Variants in DENND5B observed in about 807,000 individuals in gnomAD.
DENND5B encodes the protein DENN domain containing 5B.
In DENND5B, 34 loss-of-function variants were observed where a neutral mutation model predicts 140.6. The observed-to-expected ratio is 0.24, with a 90% CI of 0.18 to 0.32. DENND5B has a LOEUF of 0.32. Ranked by LOEUF, DENND5B falls within the 10% of genes least tolerant of loss-of-function variation. The pLI is 1.00. For missense variants in DENND5B, 1,142 were observed against 1,560.2 expected (o/e 0.73, Z 4.52); for synonymous variants, 551 against 562.1 (o/e 0.98, Z 0.28).
intron 8 of DENND5B, among the ~76,000 whole-genome samples, chr12:31,430,291 G>A (rs1311383323): frequency 6.7e-6 from 1 of 150,296 alleles, no homozygotes; most frequent in East Asian, 2.0e-4. Flanking sequence ...CCAAAGTGCT[G>A]GGATTAAAGG....
chr12:31,384,397 T>C lies in DENND5B; in HGVS notation c.*3206A>G, dbSNP rs1407226528. 6.6e-6 allele frequency: 1 copy of C among 152,186 alleles called. No homozygotes were observed. The highest frequency in any genetic ancestry group is 1.5e-5 in the Non-Finnish European group (1 of 68,060). 9.4% of individuals were successfully genotyped at this position (152,186 alleles called of 1,614,324 possible). A position where few individuals can be genotyped will look rare whatever the true frequency, so the allele number is the denominator to read the frequency against. Reference sequence around the variant, plus strand: ...TAAGCATCCTTTTCATTGATCAAACTTGGATCCTAAGGACTATTTCCAAAT... The same window carrying C: ...TAAGCATCCTTTTCATTGATCAAACCTGGATCCTAAGGACTATTTCCAAAT... On this transcript the variant is annotated 3_prime_UTR_variant, in exon 21 of 21. Transcript: ENST00000389082.
intron 1 of DENND5B, among the ~76,000 whole-genome samples, chr12:31,514,112 CTG>C (rs1217650025): frequency 1.3e-5 from 2 of 152,146 alleles, no homozygotes; most frequent in African/African-American, 4.8e-5. Flanking sequence ...TCACAAAGTG[CTG>C]TGATTACAGG....
chr12:31,449,731 G>GTTT lies in DENND5B; in HGVS notation c.1630-1965_1630-1963dup, dbSNP rs771712867. Among the ~76,000 whole-genome samples the GTTT allele has an allele frequency of 5.6e-5, 5 of 89,954 alleles. 1 individual carries two copies. In the South Asian group the frequency reaches 1.2e-3, roughly 22 times the overall value. 59.0% of individuals were successfully genotyped at this position (89,954 alleles called of 152,430 possible). A position where few individuals can be genotyped will look rare whatever the true frequency, so the allele number is the denominator to read the frequency against. On this transcript the variant is annotated intron_variant, in intron 5 of 20. Transcript: ENST00000389082. ...ATAAACCATGGATATACACAGATTA[G>GTTT]TTTTTTTTTTTTTTTTTTGAGACAG...
intron 1 of DENND5B, among the ~76,000 whole-genome samples, chr12:31,533,250 AG>A (rs1948351175): frequency 1.3e-5 from 2 of 152,170 alleles, no homozygotes; most frequent in Non-Finnish European, 2.9e-5. Context: ...AAATATTTGA[AG>A]AAAAAAAAAC....
intron 17 of DENND5B, among the ~76,000 whole-genome samples, chr12:31,395,428 T>C (rs572001324): frequency 4.2e-4 from 64 of 152,274 alleles, no homozygotes; most frequent in African/African-American, 1.5e-3. Context: ...ACCCCGTCTC[T>C]ACCCAAAATA....
Position 31,402,643 on chromosome 12 carries a change from A to C in DENND5B, c.2804T>G (p.Met935Arg), listed in dbSNP as rs1941864121. 2 of 1,590,198 alleles carry C rather than the reference A, an allele frequency of 1.3e-6. No individual in the cohort carries two copies. Among genetic ancestry groups the C allele is most frequent in the South Asian group, 2.3e-5 (2 of 85,284 alleles). The change falls in exon 15 of 21, where the codon ATG (methionine) becomes AGG (arginine). Residue 935 changes from methionine (M) to arginine (R), a missense_variant and splice_region_variant. Physicochemically the swap from Met to Arg is moderately conservative, Grantham distance 91. This residue lies in a region of DENND5B where 268 missense variants were observed against 349.2 expected (regional missense o/e 0.77). Coordinates refer to ENST00000389082, the MANE Select transcript of DENND5B (RefSeq NM_144973.4). ...GATGATCACTGACCTATACGGAATC[A>C]CTGAAAGAAAAATGCAGAAATTAAT... ...FCFTSVFTTI[M>R]IPYRSVIIPI...
At chr12:31,411,188 G>T in intron 13 of DENND5B, among the ~76,000 whole-genome samples, 1 of 151,912 alleles carries the variant, frequency 6.6e-6, no homozygotes, top group Non-Finnish European at 1.5e-5. Flanking sequence ...ACAGGCATGT[G>T]CCACCACGCC....
At chr12:31,544,721 C>T (rs138390246) in intron 1 of DENND5B, among the ~76,000 whole-genome samples, 346 of 152,074 alleles carry the variant, frequency 2.3e-3, no homozygotes, top group African/African-American at 7.1e-3. Flanking sequence ...AGTGGAAAGG[C>T]AAGAATAAAC....
intron 1 of DENND5B, among the ~76,000 whole-genome samples, chr12:31,554,230 C>T (rs1339539599): frequency 6.6e-6 from 1 of 152,204 alleles, no homozygotes; most frequent in East Asian, 1.9e-4. Flanking sequence ...TTTAGTGCTT[C>T]CTTCAGGAGC....
At chr12:31,527,742 C>T (rs920954082) in intron 1 of DENND5B, among the ~76,000 whole-genome samples, 1 of 152,070 alleles carries the variant, frequency 6.6e-6, no homozygotes, top group Non-Finnish European at 1.5e-5. Flanking sequence ...CATGCCACTA[C>T]ACTCTAGCCT....
chr12:31,517,525 A>T (rs1415495358), intron 1 of DENND5B, among the ~76,000 whole-genome samples: 1 of 152,258 alleles, frequency 6.6e-6, no homozygotes, highest in East Asian at 1.9e-4. Flanking sequence ...AACTGATAAA[A>T]GAAACAATCT....
intron 3 of DENND5B, among the ~76,000 whole-genome samples, chr12:31,472,541 C>G (rs772154632): frequency 1.3e-5 from 2 of 152,126 alleles, no homozygotes; most frequent in African/African-American, 4.8e-5. Context: ...ATCTGCCCAC[C>G]TCGGCCTTCC....
chr12:31,419,685 C>T (rs996622735), intron 11 of DENND5B, among the ~76,000 whole-genome samples: 1 of 152,000 alleles, frequency 6.6e-6, no homozygotes, highest in Admixed American at 6.6e-5. Context: ...TTAAAAGCAG[C>T]ATTTCTGGCC....
chr12:31,482,733 C>T (rs1240848107), intron 2 of DENND5B, among the ~76,000 whole-genome samples: 4 of 152,082 alleles, frequency 2.6e-5, no homozygotes, highest in Non-Finnish European at 5.9e-5. Flanking sequence ...TTGATCTTTA[C>T]GCTTACCACT....
intron 1 of DENND5B, among the ~76,000 whole-genome samples, chr12:31,516,760 A>T (rs532634679): frequency 6.6e-6 from 1 of 152,050 alleles, no homozygotes; most frequent in South Asian, 2.1e-4. Context: ...AATGCAATTT[A>T]TTTTCCTGTC....
At chr12:31,412,974 G>A (rs531244008) in intron 13 of DENND5B, among the ~76,000 whole-genome samples, 110 of 151,962 alleles carry the variant, frequency 7.2e-4, no homozygotes, top group Non-Finnish European at 1.3e-3. Context: ...AGACTGGAGC[G>A]CAGTGACATG....
At chr12:31,578,840 C>G (rs1565714699) in intron 1 of DENND5B, among the ~76,000 whole-genome samples, 1 of 152,156 alleles carries the variant, frequency 6.6e-6, no homozygotes, top group African/African-American at 2.4e-5. Context: ...CAAGCTATGG[C>G]CTTTCCTGTC....
intron 1 of DENND5B, among the ~76,000 whole-genome samples, chr12:31,509,931 C>T (rs1947345386): frequency 6.6e-6 from 1 of 152,130 alleles, no homozygotes. Flanking sequence ...CAAATTCAGT[C>T]CCTGCCAACT....
chr12:31,450,311 A>G (rs765526570), intron 5 of DENND5B, among the ~76,000 whole-genome samples: 2 of 152,206 alleles, frequency 1.3e-5, no homozygotes, highest in Non-Finnish European at 2.9e-5. Flanking sequence ...TAACTGTTCA[A>G]CATACAATAT....
Sources: allele counts gnomAD v4.1 joint callset (sites outside exome capture counted in the v4.1 genomes callset), GRCh38; gene constraint gnomAD v4.1.1; regional missense constraint gnomAD v4.1.1; transcripts MANE v1.5; gene names NCBI Gene and HGNC (gene_info 2026-07-23, HGNC 2026-07-21).